Variants in NKAIN3 observed in about 807,000 individuals in gnomAD.
The protein encoded by NKAIN3 is sodium/potassium transporting ATPase interacting 3, also known as sodium/potassium-transporting ATPase subunit beta-1-interacting protein 3.
NKAIN3 carries 25 observed loss-of-function variants against 30.2 expected under a neutral mutation model. That is an observed-to-expected ratio of 0.83 (90% confidence interval 0.60 to 1.16). NKAIN3 has a LOEUF of 1.16. NKAIN3 is among the 50% of genes most tolerant of loss of function. The pLI, the probability that NKAIN3 is intolerant of heterozygous loss-of-function variation, is 0.00. For synonymous variants in NKAIN3, 91 were observed against 89.6 expected (o/e 1.02, Z -0.09); for missense variants, 225 against 254.1 (o/e 0.89, Z 0.78).
chr8:62,310,376 G>C (rs190115526), intron 1 of NKAIN3, among the ~76,000 whole-genome samples: 2 of 150,434 alleles, frequency 1.3e-5, no homozygotes, highest in Non-Finnish European at 1.5e-5. Flanking sequence ...AGACAGGAAA[G>C]GTAACTGTGT....
intron 1 of NKAIN3, among the ~76,000 whole-genome samples, chr8:62,575,150 G>A (rs1181766301): frequency 6.6e-6 from 1 of 151,990 alleles, no homozygotes; most frequent in Admixed American, 6.6e-5. Context: ...GAAATAAAAG[G>A]CATCAAATTG....
At chr8:62,912,588 T>C (rs190240940) in intron 4 of NKAIN3, among the ~76,000 whole-genome samples, 1 of 152,316 alleles carries the variant, frequency 6.6e-6, no homozygotes, top group Non-Finnish European at 1.5e-5. Flanking sequence ...CTATTAATTT[T>C]TTTTAACTTT....
intron 3 of NKAIN3, among the ~76,000 whole-genome samples, chr8:62,619,426 A>G (rs1347646732): frequency 6.6e-6 from 1 of 152,180 alleles, no homozygotes. Flanking sequence ...ATTCCTTTCT[A>G]TTGATAATAA....
chr8:62,741,360 AAAG>A (rs1563540613), intron 3 of NKAIN3, among the ~76,000 whole-genome samples: 1 of 120,118 alleles, frequency 8.3e-6, no homozygotes, highest in Non-Finnish European at 1.7e-5. Flanking sequence ...AAAGAGAGAG[AAAG>A]AAGGAAGGAA....
chr8:62,855,690 T>A (rs1328860560), intron 4 of NKAIN3: 2 of 1,601,074 alleles, frequency 1.2e-6, no homozygotes, highest in African/African-American at 1.3e-5. Flanking sequence ...AAGCTGTCAC[T>A]TCTGCATGTG....
chr8:62,697,983 C>T (rs1442322427), intron 3 of NKAIN3, among the ~76,000 whole-genome samples: 1 of 152,054 alleles, frequency 6.6e-6, no homozygotes, highest in Non-Finnish European at 1.5e-5. Flanking sequence ...AGAACGAAAT[C>T]TTGTTCATTT....
intron 3 of NKAIN3, among the ~76,000 whole-genome samples, chr8:62,705,058 G>A (rs1814475181): frequency 1.3e-5 from 2 of 152,116 alleles, no homozygotes; most frequent in Admixed American, 1.3e-4. Context: ...TGGTTAAATG[G>A]AATGAAAGGC....
At chr8:62,727,440 G>A (rs1815296551) in intron 3 of NKAIN3, among the ~76,000 whole-genome samples, 1 of 152,060 alleles carries the variant, frequency 6.6e-6, no homozygotes, top group Non-Finnish European at 1.5e-5. Flanking sequence ...CATCTATGTA[G>A]AAGATCAACA....
intron 3 of NKAIN3, among the ~76,000 whole-genome samples, chr8:62,738,718 G>A (rs543994849): frequency 2.0e-4 from 31 of 151,828 alleles, no homozygotes; most frequent in African/African-American, 7.5e-4. Context: ...TGTAGATAAT[G>A]GATATTTGCC....
At chr8:62,413,141 C>T (rs971722839) in intron 1 of NKAIN3, among the ~76,000 whole-genome samples, 7 of 152,036 alleles carry the variant, frequency 4.6e-5, no homozygotes, top group Non-Finnish European at 7.4e-5. Context: ...AAGTCAAAAC[C>T]GACAGATGCT....
chr8:62,332,068 C>A (rs1815376123), intron 1 of NKAIN3, among the ~76,000 whole-genome samples: 1 of 152,108 alleles, frequency 6.6e-6, no homozygotes, highest in African/African-American at 2.4e-5. Context: ...GCCCTTCAAC[C>A]TGTCTGCATG....
intron 4 of NKAIN3, among the ~76,000 whole-genome samples, chr8:62,800,641 A>G (rs866390123): frequency 3.9e-5 from 6 of 152,210 alleles, no homozygotes; most frequent in African/African-American, 1.4e-4. Flanking sequence ...GGCAGCCAAG[A>G]TGGCCAAATA....
At chr8:62,751,837 T>A (rs1417854751) in intron 4 of NKAIN3, among the ~76,000 whole-genome samples, 1 of 152,008 alleles carries the variant, frequency 6.6e-6, no homozygotes, top group Non-Finnish European at 1.5e-5. Flanking sequence ...TGTGTGTGTG[T>A]GTGTATGTGT....
intron 4 of NKAIN3, among the ~76,000 whole-genome samples, chr8:62,852,050 C>T (rs560008017): frequency 1.2e-3 from 184 of 152,206 alleles, no homozygotes; most frequent in African/African-American, 4.3e-3. Context: ...CTCCTTCTAC[C>T]TCTGGTAGAA....
At chr8:62,542,023 G>T (rs966743405) in intron 1 of NKAIN3, among the ~76,000 whole-genome samples, 3 of 151,722 alleles carry the variant, frequency 2.0e-5, no homozygotes, top group Admixed American at 6.6e-5. Flanking sequence ...TGGCTAGATT[G>T]CTTCACTGAG....
At chr8:62,291,189 G>C (rs1482019844) in intron 1 of NKAIN3, among the ~76,000 whole-genome samples, 1 of 152,046 alleles carries the variant, frequency 6.6e-6, no homozygotes, top group Admixed American at 6.6e-5. Context: ...CAAAAAACCA[G>C]CTCCTGGATT....
chr8:62,544,377 A>G (rs1028768740), intron 1 of NKAIN3, among the ~76,000 whole-genome samples: 1 of 152,136 alleles, frequency 6.6e-6, no homozygotes, highest in African/African-American at 2.4e-5. Context: ...TATTTTTAAA[A>G]GATAATTTTT....
chr8:62,282,192 G>A (rs545916902), intron 1 of NKAIN3, among the ~76,000 whole-genome samples: 23 of 152,070 alleles, frequency 1.5e-4, no homozygotes, highest in African/African-American at 4.1e-4. Flanking sequence ...AAACCCACTC[G>A]GGAAATTGGA....
At chr8:62,643,567 C>A (rs888097383) in intron 3 of NKAIN3, among the ~76,000 whole-genome samples, 1 of 152,090 alleles carries the variant, frequency 6.6e-6, no homozygotes, top group Admixed American at 6.6e-5. Flanking sequence ...TAATCCAAGG[C>A]CTGGATCCCC....
Sources: gnomAD v4.1 joint callset for allele counts (sites outside exome capture counted in the v4.1 genomes callset) on GRCh38, gnomAD v4.1.1 for gene constraint, MANE v1.5 for transcripts, NCBI Gene and HGNC (gene_info 2026-07-23, HGNC 2026-07-21) for gene names.